GPR137C: variants seen among roughly 807,000 people sequenced by gnomAD.
GPR137C encodes G protein-coupled receptor 137C, also known as integral membrane protein GPR137C.
A neutral mutation model predicts 43.4 loss-of-function variants in GPR137C; 27 were observed. That is an observed-to-expected ratio of 0.62 (90% CI 0.46 to 0.86). GPR137C has a LOEUF of 0.86. Among genes scored for constraint, GPR137C ranks in the 40% least tolerant of loss-of-function variants. The pLI is 0.00. For synonymous variants in GPR137C, 285 were observed against 226.9 expected (o/e 1.26, Z -2.30); for missense variants, 522 against 534.6 (o/e 0.98, Z 0.23).
At chr14:52,564,859 A>G (rs2038342432) in intron 1 of GPR137C, among the ~76,000 whole-genome samples, 1 of 151,978 alleles carries the variant, frequency 6.6e-6, no homozygotes, top group Admixed American at 6.5e-5. Flanking sequence ...GAATCCCTGA[A>G]TATATAATTT....
intron 1 of GPR137C, among the ~76,000 whole-genome samples, chr14:52,564,614 A>G (rs1301839947): frequency 6.6e-6 from 1 of 152,146 alleles, no homozygotes; most frequent in Non-Finnish European, 1.5e-5. Flanking sequence ...ATTATAGACT[A>G]GTAGAGGAGC....
At position 52,558,244 on chromosome 14, in the gene GPR137C, G is replaced by C. The variant is rs184762644; in HGVS notation, c.444+4653G>C. Among the ~76,000 whole-genome samples, 8 of 152,136 alleles carry C rather than the reference G, an allele frequency of 5.3e-5. No individual in the cohort carries two copies. In the South Asian group the frequency reaches 6.2e-4, roughly 12 times the overall value. On this transcript the variant is annotated intron_variant, in intron 1 of 6. Coordinates refer to ENST00000321662, the MANE Select transcript of GPR137C (RefSeq NM_001099652.2). ...TGTGTTGAAGGTGTAGGGAGGTGTC[G>C]TTGCAGGCTGTGCCTTGCAGTGAGG...
chr14:52,562,583 A>C (rs1025986539), intron 1 of GPR137C, among the ~76,000 whole-genome samples: 17 of 152,160 alleles, frequency 1.1e-4, no homozygotes, highest in African/African-American at 3.6e-4. Context: ...ATGTATCGAG[A>C]CCCTGTCTCT....
Position 52,564,552 on chromosome 14 carries a change from A to G in GPR137C, c.444+10961A>G, listed in dbSNP as rs78163884. On this transcript the variant is annotated intron_variant, in intron 1 of 6. Coordinates refer to ENST00000321662, the MANE Select transcript of GPR137C (RefSeq NM_001099652.2). The stretch of plus-strand genomic sequence containing the variant: ...CTTAGTTAACTCTCAACTCCAGGGC[A>G]CAGTGCTTCTTCAAGGAAGCCTTCA... Among the ~76,000 whole-genome samples the G allele has an allele frequency of 4.8e-3, 736 of 152,242 alleles. 13 individuals are homozygous for G. The highest frequency in any genetic ancestry group is 0.039 in the Admixed American group (597 of 15,286).
chr14:52,558,326 C>T (rs952626731), intron 1 of GPR137C, among the ~76,000 whole-genome samples: 2 of 152,076 alleles, frequency 1.3e-5, no homozygotes, highest in Admixed American at 6.6e-5. Context: ...AAGTGTACAC[C>T]TTCAGTGGAT....
At chr14:52,634,404 A>G (rs1454758378) in intron 6 of GPR137C, among the ~76,000 whole-genome samples, 1 of 152,038 alleles carries the variant, frequency 6.6e-6, no homozygotes, top group African/African-American at 2.4e-5. Flanking sequence ...TACACTATTG[A>G]CTGTGATTCG....
intron 1 of GPR137C, among the ~76,000 whole-genome samples, chr14:52,566,334 C>A (rs750085141): frequency 6.6e-6 from 1 of 152,162 alleles, no homozygotes; most frequent in Non-Finnish European, 1.5e-5. Context: ...CTCTCCTCAG[C>A]TACTATGTAG....
intron 3 of GPR137C, among the ~76,000 whole-genome samples, chr14:52,608,520 A>G (rs1374189641): frequency 6.6e-6 from 1 of 152,200 alleles, no homozygotes; most frequent in African/African-American, 2.4e-5. Context: ...TAGTAAATAT[A>G]TAAGTGGTTT....
In GPR137C at chr14:52,553,261, C is replaced by A. The variant is rs552538817; in HGVS notation, c.114C>A (p.Gly38=). Residue 38 remains glycine, a synonymous_variant, in exon 1 of 7, where the codon GGC becomes GGA. Transcript: ENST00000321662. ...GGGGAVAAAS[G]AAVPGSVQLA... is the part of the protein sequence containing the mutation. ...GAGGCGCCGTCGCTGCAGCCTCAGG[C>A]GCCGCGGTGCCGGGCTCCGTGCAGT... is the stretch of plus-strand genomic sequence containing the variant. 7.2e-7 allele frequency: 1 copy of A among 1,392,410 alleles called. No homozygotes were observed. 86.3% of individuals were successfully genotyped at this position (1,392,410 alleles called of 1,614,324 possible).
chr14:52,609,981 C>T (rs758698580), intron 3 of GPR137C, among the ~76,000 whole-genome samples: 23 of 152,184 alleles, frequency 1.5e-4, no homozygotes, highest in Non-Finnish European at 2.1e-4. Flanking sequence ...GCAAAACATA[C>T]ACTAAGTTTA....
At chr14:52,572,485 A>G (rs1156711405) in intron 1 of GPR137C, among the ~76,000 whole-genome samples, 1 of 152,242 alleles carries the variant, frequency 6.6e-6, no homozygotes, top group Non-Finnish European at 1.5e-5. Context: ...AAACAGAACC[A>G]ATGACCAAAA....
intron 3 of GPR137C, chr14:52,612,454 C>G: frequency 1.0e-6 from 1 of 983,364 alleles, no homozygotes; most frequent in Non-Finnish European, 1.2e-6. Context: ...TTTTGTTTTG[C>G]TTTTTATTTT....
chr14:52,634,878 A>G (rs2039334555), intron 6 of GPR137C, 60 bp from the exon 7 acceptor site: 2 of 1,424,072 alleles, frequency 1.4e-6, no homozygotes, highest in Admixed American at 2.4e-5. Flanking sequence ...AAAAATTCAA[A>G]TGTGACTTCT....
chr14:52,605,801 C>T (rs986088902), intron 3 of GPR137C, among the ~76,000 whole-genome samples: 1 of 152,032 alleles, frequency 6.6e-6, no homozygotes, highest in Admixed American at 6.6e-5. Context: ...TTGAAATGAA[C>T]ATGTGGTTTT....
chr14:52,559,637 A>G (rs1470221072), intron 1 of GPR137C, among the ~76,000 whole-genome samples: 2 of 152,228 alleles, frequency 1.3e-5, no homozygotes, highest in Admixed American at 6.5e-5. Context: ...TAGGAGAAGA[A>G]CAAAGTACTT....
intron 1 of GPR137C, among the ~76,000 whole-genome samples, chr14:52,587,509 G>T (rs2038728069): frequency 1.3e-5 from 2 of 152,350 alleles, no homozygotes; most frequent in South Asian, 4.1e-4. Flanking sequence ...AGTGGCTCAT[G>T]CCTATAATCC....
At chr14:52,587,929 CT>C (rs2038733294) in intron 1 of GPR137C, among the ~76,000 whole-genome samples, 1 of 152,044 alleles carries the variant, frequency 6.6e-6, no homozygotes, top group Non-Finnish European at 1.5e-5. Flanking sequence ...ATCAGATGTA[CT>C]TTTTTAAAAG....
rs1187805130 is a variant in GPR137C at position 52,553,120 on chromosome 14, G to A, written c.-28G>A. The A allele has an allele frequency of 8.7e-7, 1 of 1,148,710 alleles. No individual in the cohort carries two copies. The highest frequency in any genetic ancestry group is 1.1e-6 in the Non-Finnish European group (1 of 933,214). 71.2% of individuals were successfully genotyped at this position (1,148,710 alleles called of 1,614,324 possible). On this transcript the variant is annotated 5_prime_UTR_variant, in exon 1 of 7. Coordinates refer to ENST00000321662, the MANE Select transcript of GPR137C (RefSeq NM_001099652.2). ...CCGAGTCCAGCCCCTTCCTTCCCGC[G>A]CTCGCTCGCCCGGCCCCCAGCCCCC... is the stretch of plus-strand genomic sequence containing the variant.
chr14:52,598,945 T>G (rs1166953061), intron 2 of GPR137C, among the ~76,000 whole-genome samples: 2 of 152,240 alleles, frequency 1.3e-5, no homozygotes, highest in Non-Finnish European at 2.9e-5. Flanking sequence ...GCATGTACAC[T>G]AAGCAGTTTT....
Sources: allele counts gnomAD v4.1 joint callset (sites outside exome capture counted in the v4.1 genomes callset), GRCh38; gene constraint gnomAD v4.1.1; transcripts MANE v1.5; gene names NCBI Gene and HGNC (gene_info 2026-07-23, HGNC 2026-07-21).